GK5: variants seen among roughly 807,000 people sequenced by gnomAD.
GK5 encodes the protein glycerol kinase 5.
A neutral mutation model predicts 77.3 loss-of-function variants in GK5; 39 were observed. The ratio of observed to expected loss-of-function variants is 0.50; its 90% CI spans 0.39 to 0.66. The LOEUF is 0.66. GK5 is among the 30% of genes least tolerant of loss of function. The pLI is 0.00. For synonymous variants in GK5, 211 were observed against 208.0 expected (o/e 1.01, Z -0.13); for missense variants, 487 against 633.8 (o/e 0.77, Z 2.49).
intron 1 of GK5, among the ~76,000 whole-genome samples, chr3:142,223,707 G>A (rs1403980228): frequency 1.3e-5 from 2 of 152,254 alleles, no homozygotes; most frequent in African/African-American, 4.8e-5. Context: ...GCATGATGGC[G>A]GGTGCCTGCA....
intron 15 of GK5, among the ~76,000 whole-genome samples, chr3:142,169,154 C>T (rs2063506503): frequency 6.6e-6 from 1 of 152,178 alleles, no homozygotes. Flanking sequence ...AGCAGGTGCT[C>T]CACAAACGTT....
chr3:142,221,642 A>G (rs960707242), intron 1 of GK5, among the ~76,000 whole-genome samples: 6 of 152,238 alleles, frequency 3.9e-5, no homozygotes, highest in Admixed American at 3.3e-4. Context: ...CAACCAAGAC[A>G]TTATCATTTT....
chr3:142,209,334 C>T (rs1225575902), intron 3 of GK5, among the ~76,000 whole-genome samples: 2 of 152,076 alleles, frequency 1.3e-5, no homozygotes, highest in South Asian at 2.1e-4. Flanking sequence ...CAAGATAAAG[C>T]GTGTCTTAGA....
intron 1 of GK5, among the ~76,000 whole-genome samples, chr3:142,222,176 G>A (rs376559580): frequency 2.0e-5 from 3 of 152,230 alleles, no homozygotes; most frequent in African/African-American, 7.2e-5. Context: ...AATAAACCAG[G>A]TACTAAGCAG....
Position 142,172,287 on chromosome 3 carries a change from A to C in GK5, c.1247+66T>G, listed in dbSNP as rs981117153. ...AAAATTAAGAAATTTTCCATTTAGT[A>C]GCAAATTAATGAAAGACATGGCAAT... On this transcript the variant is annotated intron_variant, in intron 13 of 15. Coordinates refer to ENST00000392993, the MANE Select transcript of GK5 (RefSeq NM_001039547.3). The C allele has an allele frequency of 9.5e-6, 7 of 740,092 alleles. No individual in the cohort carries two copies. In the African/African-American group the frequency reaches 1.0e-4, roughly 11 times the overall value. 45.8% of individuals were successfully genotyped at this position (740,092 alleles called of 1,614,324 possible).
chr3:142,223,388 G>A (rs191218550), intron 1 of GK5, among the ~76,000 whole-genome samples: 38 of 152,332 alleles, frequency 2.5e-4, no homozygotes, highest in Non-Finnish European at 4.0e-4. Context: ...GAAAGGTAAT[G>A]AGTACCCAGT....
intron 14 of GK5, among the ~76,000 whole-genome samples, chr3:142,170,858 C>A (rs2063527345): frequency 6.6e-6 from 1 of 152,092 alleles, no homozygotes; most frequent in Admixed American, 6.5e-5. Flanking sequence ...CCAAGATGCA[C>A]CCAAATTTGA....
rs777845214 is a variant in GK5, at chr3:142,187,729, G to A, written c.594C>T (p.Thr198=). ...EENCCFGTID[T]WLLYKLTKGS... is the part of the protein sequence containing the mutation. ...CTTTTGTGAGCTTATATAACAACCAGGTATCAATAGTCCCAAAGCAGCAAT... is the reference window on the plus strand; with the variant it reads ...CTTTTGTGAGCTTATATAACAACCAAGTATCAATAGTCCCAAAGCAGCAAT... Residue 198 remains threonine, a synonymous_variant, in exon 6 of 16, where the codon ACC becomes ACT. Coordinates refer to ENST00000392993, the MANE Select transcript of GK5 (RefSeq NM_001039547.3). 1.2e-6 allele frequency: 2 copies of A among 1,611,874 alleles called. No individual in the cohort carries two copies. Among genetic ancestry groups the A allele is most frequent in the Admixed American group, 1.7e-5 (1 of 59,754 alleles).
chr3:142,204,896 A>G (rs930662980), intron 3 of GK5, 108 bp from the exon 4 acceptor site: 3 of 639,208 alleles, frequency 4.7e-6, no homozygotes, highest in African/African-American at 1.8e-5. Flanking sequence ...ATTGCAAAGT[A>G]TAATTTAGTT....
In GK5 at chr3:142,158,817, A is replaced by G. The variant is rs965114139; in HGVS notation, c.*6805T>C. ...ATTATGATAACTATGTACAAAGTATATATCTGTATACTCTAACATTCTAAA... is the reference window on the plus strand; with the variant it reads ...ATTATGATAACTATGTACAAAGTATGTATCTGTATACTCTAACATTCTAAA... On this transcript the variant is annotated 3_prime_UTR_variant, in exon 16 of 16. Transcript: ENST00000392993. 1 of 152,338 alleles carries G rather than the reference A, an allele frequency of 6.6e-6. No individual in the cohort carries two copies. The highest frequency in any genetic ancestry group is 1.5e-5 in the Non-Finnish European group (1 of 68,034). 9.4% of individuals were successfully genotyped at this position (152,338 alleles called of 1,614,324 possible).
At position 142,225,333 on chromosome 3, in the gene GK5, C is replaced by G; in HGVS notation, c.123G>C (p.Arg41=). 1 of 1,553,400 alleles carries G rather than the reference C, an allele frequency of 6.4e-7. No individual in the cohort carries two copies. Among genetic ancestry groups the G allele is most frequent in the Non-Finnish European group, 8.7e-7 (1 of 1,150,330 alleles). ...IRCHVYDRAA[R]VCGSSVQKVE... ...CCTTCTGCACGCTGGAGCCGCAGAC[C>G]CGCGCCGCCCGGTCATAGACGTGGC... The change falls in exon 1 of 16, where the codon CGG becomes CGC. Residue 41 remains arginine (R), a synonymous_variant. Transcript: ENST00000392993.
chr3:142,196,855 A>T (rs1438173136), intron 5 of GK5, among the ~76,000 whole-genome samples: 2 of 152,134 alleles, frequency 1.3e-5, no homozygotes, highest in Non-Finnish European at 2.9e-5. Flanking sequence ...CAAATTTTCT[A>T]CTTCCTTGTT....
chr3:142,165,424 T>G lies in GK5; in HGVS notation c.*198A>C. 1 of 431,454 alleles carries G rather than the reference T, an allele frequency of 2.3e-6. No individual in the cohort carries two copies. Among genetic ancestry groups the G allele is most frequent in the Non-Finnish European group, 4.0e-6 (1 of 247,174 alleles). 26.7% of individuals were successfully genotyped at this position (431,454 alleles called of 1,614,324 possible). A position where few individuals can be genotyped will look rare whatever the true frequency, so the allele number is the denominator to read the frequency against. On this transcript the variant is annotated 3_prime_UTR_variant, in exon 16 of 16. Coordinates refer to ENST00000392993, the MANE Select transcript of GK5 (RefSeq NM_001039547.3). ...AAGATATAAAGTTTTGAGGTATTGC[T>G]GCCTTACCATGGTTTAGGGGAAAAA...
intron 5 of GK5, among the ~76,000 whole-genome samples, chr3:142,195,859 T>C (rs1196649992): frequency 6.6e-6 from 1 of 152,190 alleles, no homozygotes; most frequent in African/African-American, 2.4e-5. Context: ...TATTCAATTG[T>C]CTATTTTCCC....
intron 5 of GK5, 86 bp downstream of exon 5, chr3:142,198,716 T>A: frequency 8.6e-7 from 1 of 1,164,350 alleles, no homozygotes; most frequent in Non-Finnish European, 1.2e-6. Flanking sequence ...TTACTATCTT[T>A]ATTCCTTTAA....
Position 142,225,354 on chromosome 3 carries a change from G to A in GK5, c.102C>T (p.His34=), listed in dbSNP as rs373219240. 16 of 1,575,178 alleles carry A rather than the reference G, an allele frequency of 1.0e-5. No homozygotes were observed. Among genetic ancestry groups the A allele is most frequent in the East Asian group, 2.3e-5 (1 of 42,824 alleles). The change falls in exon 1 of 16, where the codon CAC becomes CAT. Residue 34 remains histidine, a synonymous_variant. Transcript: ENST00000392993. ...LDVGSSVIRC[H]VYDRAARVCG... is the part of the protein sequence containing the mutation. ...AGACCCGCGCCGCCCGGTCATAGACGTGGCAGCGGATCACAGAACTGCCCA... is the reference window on the plus strand; with the variant it reads ...AGACCCGCGCCGCCCGGTCATAGACATGGCAGCGGATCACAGAACTGCCCA...
intron 3 of GK5, among the ~76,000 whole-genome samples, chr3:142,210,196 G>C (rs1473124413): frequency 6.6e-6 from 1 of 152,140 alleles, no homozygotes; most frequent in East Asian, 1.9e-4. Context: ...TAGACCTCCT[G>C]ACAGCAACTG....
At chr3:142,214,125 T>C (rs1462246864) in intron 2 of GK5, among the ~76,000 whole-genome samples, 1 of 152,154 alleles carries the variant, frequency 6.6e-6, no homozygotes, top group African/African-American at 2.4e-5. Context: ...TGCCCGGCCT[T>C]AAAGGTTGTT....
At chr3:142,171,347 A>C (rs2063534644) in intron 14 of GK5, 72 bp downstream of exon 14, 2 of 1,303,414 alleles carry the variant, frequency 1.5e-6, no homozygotes, top group East Asian at 5.8e-5. Flanking sequence ...AAAAGAAATG[A>C]GTGGTAGCTC....
Sources: allele counts gnomAD v4.1 joint callset (sites outside exome capture counted in the v4.1 genomes callset), GRCh38; gene constraint gnomAD v4.1.1; transcripts MANE v1.5; gene names NCBI Gene and HGNC (gene_info 2026-07-23, HGNC 2026-07-21).